Variants in CFAP61 observed in about 807,000 individuals in gnomAD.
CFAP61 encodes the protein cilia- and flagella-associated protein 61.
CFAP61 carries 107 observed loss-of-function variants against 135.6 expected under a neutral mutation model. That is an observed-to-expected ratio of 0.79 (90% CI 0.67 to 0.93). The LOEUF (loss-of-function observed/expected upper bound fraction) is 0.93. CFAP61 is among the 40% of genes least tolerant of loss of function. CFAP61 has a pLI of 0.00. For missense variants in CFAP61, 1,507 were observed against 1,556.2 expected (o/e 0.97, Z 0.53); for synonymous variants, 575 against 578.5 (o/e 0.99, Z 0.09).
chr20:20,294,647 G>C (rs1265664922), intron 24 of CFAP61, among the ~76,000 whole-genome samples: 1 of 152,170 alleles, frequency 6.6e-6, no homozygotes, highest in Admixed American at 6.5e-5. Context: ...AATACCAAAA[G>C]GTCGGGCGCG....
chr20:20,344,969 G>A lies in CFAP61; in HGVS notation c.3513+3048G>A, dbSNP rs565523430. On this transcript the variant is annotated intron_variant, in intron 26 of 26. Transcript: ENST00000245957. ...TGCAACAACATGGATGGAACTAGAG[G>A]ACATTATGTTAAGTAAAATATCCCA... 2.5e-3 allele frequency among the ~76,000 whole-genome samples: 380 copies of A among 152,222 alleles called. 1 individual carries two copies. Among genetic ancestry groups the A allele is most frequent in the Non-Finnish European group, 4.2e-3 (284 of 68,016 alleles).
intron 18 of CFAP61, among the ~76,000 whole-genome samples, chr20:20,243,719 G>C (rs1022551551): frequency 6.6e-6 from 1 of 152,120 alleles, no homozygotes. Context: ...TTACAGGTAT[G>C]AGCCACCATG....
chr20:20,066,262 A>G (rs2045257843), intron 2 of CFAP61, among the ~76,000 whole-genome samples: 1 of 152,248 alleles, frequency 6.6e-6, no homozygotes, highest in Admixed American at 6.5e-5. Flanking sequence ...TGTGGAAGAC[A>G]GTGTGGTGAT....
chr20:20,196,389 A>C (rs991474840), intron 15 of CFAP61, among the ~76,000 whole-genome samples, 181 bp from the exon 16 acceptor site: 1 of 152,158 alleles, frequency 6.6e-6, no homozygotes, highest in Non-Finnish European at 1.5e-5. Context: ...AACAACTAGC[A>C]CTCAGGAAAC....
At chr20:20,287,376 C>G (rs2054662227) in intron 22 of CFAP61, among the ~76,000 whole-genome samples, 1 of 152,212 alleles carries the variant, frequency 6.6e-6, no homozygotes, top group Admixed American at 6.5e-5. Flanking sequence ...TAGGCTGTAT[C>G]TGCACTGCCC....
chr20:20,202,217 T>TGAAACCCAGGGTCCAGGAAGACA (rs1393713198), intron 17 of CFAP61, among the ~76,000 whole-genome samples: 2 of 152,198 alleles, frequency 1.3e-5, no homozygotes, highest in African/African-American at 4.8e-5. Context: ...GATGTATTGT[T>TGAAACCCAGGGTCCAGGAAGACA]GAAACCCAGG....
intron 8 of CFAP61, among the ~76,000 whole-genome samples, chr20:20,123,963 A>C: frequency 1.0e-5 from 1 of 96,484 alleles, no homozygotes; most frequent in African/African-American, 3.9e-5. Flanking sequence ...GGTTATGTAT[A>C]TTCCTAAGTT....
chr20:20,086,394 C>T (rs1485094551), intron 6 of CFAP61, among the ~76,000 whole-genome samples: 1 of 145,060 alleles, frequency 6.9e-6, no homozygotes, highest in Non-Finnish European at 1.5e-5. Flanking sequence ...TCAATTCCCA[C>T]CTATGAGTGA....
intron 25 of CFAP61, among the ~76,000 whole-genome samples, chr20:20,312,219 C>A (rs2056873789): frequency 1.3e-5 from 2 of 152,148 alleles, no homozygotes; most frequent in Non-Finnish European, 2.9e-5. Context: ...AGAACTGACT[C>A]AGATGTTAGA....
intron 8 of CFAP61, among the ~76,000 whole-genome samples, chr20:20,109,928 C>T (rs1445554870): frequency 7.5e-5 from 11 of 147,390 alleles, no homozygotes; most frequent in Admixed American, 1.4e-4. Context: ...TTTTTTGAGA[C>T]GGAGTCTCGC....
chr20:20,166,410 A>G lies in CFAP61; in HGVS notation c.1219A>G (p.Met407Val). ...TCTTGTTTACAGGTCGCTGGATTTT[A>G]TGAATTTTGTTTTCAGTCTTTTTTC... ...EKYEARSLDF[M>V]NFVFSLFSDK... The change falls in exon 12 of 27, where the codon ATG becomes GTG. Residue 407 changes from methionine (M) to valine (V), a missense_variant. By Grantham distance (21) the Met-to-Val change is conservative (BLOSUM62 1). Coordinates refer to ENST00000245957, the MANE Select transcript of CFAP61 (RefSeq NM_015585.4). 6.2e-7 allele frequency: 1 copy of G among 1,613,848 alleles called. No individual in the cohort carries two copies. Among genetic ancestry groups the G allele is most frequent in the South Asian group, 1.1e-5 (1 of 91,056 alleles).
At chr20:20,295,009 A>T (rs1197610897) in intron 24 of CFAP61, among the ~76,000 whole-genome samples, 3 of 151,486 alleles carry the variant, frequency 2.0e-5, no homozygotes, top group Admixed American at 2.0e-4. Flanking sequence ...TAACAAAAAA[A>T]ATCACTAAAA....
chr20:20,149,706 C>T (rs2052235444), intron 9 of CFAP61, among the ~76,000 whole-genome samples: 1 of 152,192 alleles, frequency 6.6e-6, no homozygotes, highest in Non-Finnish European at 1.5e-5. Context: ...CATTCTCCAG[C>T]TCAAGCCCAG....
chr20:20,144,207 A>C (rs76016023), intron 9 of CFAP61, among the ~76,000 whole-genome samples: 2,465 of 152,334 alleles, frequency 0.016, 63 homozygotes, highest in African/African-American at 0.056. Context: ...CCAATAAAGA[A>C]TTACCAGCAC....
At chr20:20,089,413 T>C (rs1370739835) in intron 6 of CFAP61, among the ~76,000 whole-genome samples, 1 of 151,546 alleles carries the variant, frequency 6.6e-6, no homozygotes. Flanking sequence ...TACTGATCAC[T>C]CAGTAGATGG....
chr20:20,060,961 T>C lies in CFAP61; in HGVS notation c.143+4165T>C, dbSNP rs116047475. Among the ~76,000 whole-genome samples the C allele has an allele frequency of 7.4e-3, 1,128 of 152,340 alleles. 20 individuals are homozygous for C. Among genetic ancestry groups the C allele is most frequent in the African/African-American group, 0.026 (1,078 of 41,580 alleles). ...GTCTTCAGATGGCTTTAGCCACTGC[T>C]GCCATTTGATAGCCTGAGATACCGT... is the stretch of plus-strand genomic sequence containing the variant. On this transcript the variant is annotated intron_variant, in intron 2 of 26. Coordinates refer to ENST00000245957, the MANE Select transcript of CFAP61 (RefSeq NM_015585.4).
Position 20,228,369 on chromosome 20 carries a change from G to A in CFAP61, c.2053G>A (p.Val685Ile). The change falls in exon 18 of 27, where the codon GTA becomes ATA. Residue 685 changes from valine to isoleucine, a missense_variant. Coordinates refer to ENST00000245957, the MANE Select transcript of CFAP61 (RefSeq NM_015585.4). Reference sequence around the variant, plus strand: ...TGGAATTTCCTTCCTAGAGACATTGGTATTTTGGTGAGTTGTTTCACTCTA... The same window carrying A: ...TGGAATTTCCTTCCTAGAGACATTGATATTTTGGTGAGTTGTTTCACTCTA... Reference protein sequence around the residue: ...SVGISFLETLVFCSHMKFNNL... With the variant: ...SVGISFLETLIFCSHMKFNNL... 6.2e-7 allele frequency: 1 copy of A among 1,605,204 alleles called. No individual in the cohort carries two copies. The highest frequency in any genetic ancestry group is 1.1e-5 in the South Asian group (1 of 90,408).
intron 3 of CFAP61, among the ~76,000 whole-genome samples, chr20:20,072,430 A>G (rs2045786436): frequency 6.6e-6 from 1 of 152,066 alleles, no homozygotes; most frequent in African/African-American, 2.4e-5. Flanking sequence ...CAGCAATCTT[A>G]TTCTTTCCTT....
chr20:20,155,873 G>C (rs1489112146), intron 9 of CFAP61, among the ~76,000 whole-genome samples: 1 of 152,116 alleles, frequency 6.6e-6, no homozygotes, highest in East Asian at 1.9e-4. Flanking sequence ...ATTCCTTAAA[G>C]AATTAAAAGT....
Sources: gnomAD v4.1 joint callset for allele counts (sites outside exome capture counted in the v4.1 genomes callset) on GRCh38, gnomAD v4.1.1 for gene constraint, MANE v1.5 for transcripts, NCBI Gene and HGNC (gene_info 2026-07-23, HGNC 2026-07-21) for gene names.